SWSAP1: variants seen among roughly 807,000 people sequenced by gnomAD.
SWSAP1 encodes the protein SWIM-type zinc finger 7 associated protein 1.
A neutral mutation model predicts 5.6 loss-of-function variants in SWSAP1; 4 were observed. The observed-to-expected ratio is 0.72, with a 90% confidence interval of 0.35 to 1.64. The LOEUF (loss-of-function observed/expected upper bound fraction) is 1.64. Ranked by LOEUF, SWSAP1 falls within the 40% of genes most tolerant of loss-of-function variation. SWSAP1 has a pLI of 0.05. For missense variants in SWSAP1, 354 were observed against 319.8 expected, an observed-to-expected ratio of 1.11 and a Z score of -0.82; for synonymous variants, 139 against 143.3, an observed-to-expected ratio of 0.97 and a Z score of 0.22.
rs543788823 is a variant in SWSAP1, at chr19:11,375,556, G to A, written c.293G>A (p.Arg98Gln). ...QYPPSTRELFRLLCSAHEAPG... is the reference protein window; with the variant it reads ...QYPPSTRELFQLLCSAHEAPG... Reference sequence around the variant, plus strand: ...CCACCCTCAACCCGAGAGCTTTTCCGGCTCCTGTGCTCTGCCCATGAGGCC... The same window carrying A: ...CCACCCTCAACCCGAGAGCTTTTCCAGCTCCTGTGCTCTGCCCATGAGGCC... Residue 98 changes from arginine to glutamine, a missense_variant, in exon 2 of 2, where the codon CGG (arginine) becomes CAG (glutamine). Transcript: ENST00000674460. 610 of 1,613,544 alleles carry A rather than the reference G, an allele frequency of 3.8e-4. 6 individuals are homozygous for A. The South Asian group carries it at 5.8e-3, about 15-fold the overall frequency.
chr19:11,376,063 G>T lies in SWSAP1; in HGVS notation c.*47G>T. 6.7e-7 allele frequency: 1 copy of T among 1,494,008 alleles called. No individual in the cohort carries two copies. Among genetic ancestry groups the T allele is most frequent in the South Asian group, 1.3e-5 (1 of 77,524 alleles). 92.5% of individuals were successfully genotyped at this position (1,494,008 alleles called of 1,614,324 possible). On this transcript the variant is annotated 3_prime_UTR_variant, in exon 2 of 2. Coordinates refer to ENST00000674460, the MANE Select transcript of SWSAP1 (RefSeq NM_175871.4). The stretch of plus-strand genomic sequence containing the variant: ...TCTGTGCTTCAGTTTCCCATGGCTG[G>T]AATACTTACCTCAGGGACATATGCA...
rs1968258912 is a variant in SWSAP1, at chr19:11,374,915, C to A, written c.235C>A (p.Pro79Thr). The A allele has an allele frequency of 1.9e-6, 3 of 1,613,768 alleles. No homozygotes were observed. Among genetic ancestry groups the A allele is most frequent in the Non-Finnish European group, 2.5e-6 (3 of 1,180,022 alleles). Reference sequence around the variant, plus strand: ...CCGCGGGACCGGAACGACTCTAGACCCAATGCGACTCCAGGTAACCGTGGG... The same window carrying A: ...CCGCGGGACCGGAACGACTCTAGACACAATGCGACTCCAGGTAACCGTGGG... ...MPRGTGTTLD[P>T]MRLQKIRFQY... The change falls in exon 1 of 2, where the codon CCA becomes ACA. Residue 79 changes from proline to threonine, a missense_variant. Transcript: ENST00000674460.
At position 11,374,926 on chromosome 19, in the gene SWSAP1, C is replaced by A. The variant is rs572163029; in HGVS notation, c.246C>A (p.Leu82=). The A allele has an allele frequency of 6.8e-6, 11 of 1,613,428 alleles. No homozygotes were observed. In the South Asian group the frequency reaches 1.1e-4, roughly 16 times the overall value. ...GAACGACTCTAGACCCAATGCGACT[C>A]CAGGTAACCGTGGGGGTGGGAGCAG... The part of the protein sequence containing the change: ...GTGTTLDPMR[L]QKIRFQYPPS... The change falls in exon 1 of 2, where the codon CTC becomes CTA. Residue 82 remains leucine, a synonymous_variant. Transcript: ENST00000674460.
chr19:11,374,887 GC>G lies in SWSAP1; in HGVS notation c.211del (p.Arg71AlafsTer7). Reference sequence around the variant, plus strand: ...TGACACGAAGGCCTCTTCAAAGCATGCCCCGCGGGACCGGAACGACTCTAGA... The same window carrying G: ...TGACACGAAGGCCTCTTCAAAGCATGCCCGCGGGACCGGAACGACTCTAGA... ...FLTRRPLQSM[P>X]RGTGTTLDPM... is the part of the protein sequence containing the mutation. On this transcript the variant is annotated frameshift_variant, in exon 1 of 2. Transcript: ENST00000674460. LOFTEE classifies it low-confidence loss of function (END_TRUNC). The G allele has an allele frequency of 1.2e-6, 2 of 1,613,798 alleles. No individual in the cohort carries two copies. The highest frequency in any genetic ancestry group is 1.7e-6 in the Non-Finnish European group (2 of 1,179,972).
chr19:11,374,813 G>A lies in SWSAP1; in HGVS notation c.133G>A (p.Ala45Thr). 3 of 1,613,992 alleles carry A rather than the reference G, an allele frequency of 1.9e-6. No individual in the cohort carries two copies. Among genetic ancestry groups the A allele is most frequent in the Non-Finnish European group, 2.5e-6 (3 of 1,179,964 alleles). The change falls in exon 1 of 2, where the codon GCT becomes ACT. Residue 45 changes from alanine (A) to threonine (T), a missense_variant. Coordinates refer to ENST00000674460, the MANE Select transcript of SWSAP1 (RefSeq NM_175871.4). ...ATCTGGAAAAACAGCGCTGCTATTT[G>A]CTGCGGCCCTAGAGGCGGCGGGGGA... ...PGSGKTALLFAAALEAAGEGQ... is the reference protein window; with the variant it reads ...PGSGKTALLFTAALEAAGEGQ...
At chr19:11,374,988 T>C (rs1166848415) in intron 1 of SWSAP1, 59 bp downstream of exon 1, 3 of 1,592,192 alleles carry the variant, frequency 1.9e-6, no homozygotes, top group Non-Finnish European at 1.7e-6. Flanking sequence ...ATCCGGGATA[T>C]TGAGTAACAG....
At chr19:11,375,434 T>A in intron 1 of SWSAP1, 79 bp from the exon 2 acceptor site, 1 of 1,524,462 alleles carries the variant, frequency 6.6e-7, no homozygotes. Context: ...AAGGAAAGTA[T>A]GCAAGGAGGC....
Position 11,374,717 on chromosome 19 carries a change from G to C in SWSAP1, c.37G>C (p.Gly13Arg). 1 of 1,587,184 alleles carries C rather than the reference G, an allele frequency of 6.3e-7. No individual in the cohort carries two copies. Among genetic ancestry groups the C allele is most frequent in the Non-Finnish European group, 8.6e-7 (1 of 1,167,594 alleles). ...ETLRRVLTRG[G>R]AAWSGEENMP... ...GCTGAGGCGGGTGCTAACCAGGGGC[G>C]GTGCGGCCTGGTCCGGGGAGGAGAA... Residue 13 changes from glycine (G) to arginine (R), a missense_variant, in exon 1 of 2, where the codon GGT becomes CGT. Gly to Arg is a moderately radical substitution (Grantham distance 125). Coordinates refer to ENST00000674460, the MANE Select transcript of SWSAP1 (RefSeq NM_175871.4).
chr19:11,374,979 T>A (rs1380658742), intron 1 of SWSAP1, 50 bp downstream of exon 1: 8 of 1,597,940 alleles, frequency 5.0e-6, no homozygotes, highest in Non-Finnish European at 6.8e-6. Flanking sequence ...GTGGAGTAGA[T>A]CCGGGATATT....
At chr19:11,375,467 G>C (rs775175183) in intron 1 of SWSAP1, 46 bp from the exon 2 acceptor site, 1 of 1,555,492 alleles carries the variant, frequency 6.4e-7, no homozygotes, top group Non-Finnish European at 8.7e-7. Flanking sequence ...AAGGAGTCTG[G>C]CTTCCTGTGC....
intron 1 of SWSAP1, 99 bp downstream of exon 1, chr19:11,375,028 A>G (rs1968260394): frequency 1.3e-6 from 2 of 1,496,712 alleles, no homozygotes; most frequent in Admixed American, 2.0e-5. Context: ...GGACGGTGGA[A>G]GAGCGAGCCA....
Position 11,375,945 on chromosome 19 carries a change from A to G in SWSAP1, c.682A>G (p.Ile228Val). ...TTTCCGATCAGATGGAGAAATGATG[A>G]TCGCTCCGTGGCCCACCCAGGCTGG... ...VTFRSDGEMM[I>V]APWPTQAGDP... The change falls in exon 2 of 2, where the codon ATC becomes GTC. Residue 228 changes from isoleucine (I) to valine (V), a missense_variant. Physicochemically the swap from Ile to Val is conservative, Grantham distance 29 (BLOSUM62 3). Transcript: ENST00000674460. 1 of 1,613,370 alleles carries G rather than the reference A, an allele frequency of 6.2e-7. No individual in the cohort carries two copies. The highest frequency in any genetic ancestry group is 8.5e-7 in the Non-Finnish European group (1 of 1,179,960).
Position 11,376,155 on chromosome 19 carries a change from AT to A in SWSAP1, c.*143del. On this transcript the variant is annotated 3_prime_UTR_variant, in exon 2 of 2. Coordinates refer to ENST00000674460, the MANE Select transcript of SWSAP1 (RefSeq NM_175871.4). Reference sequence around the variant, plus strand: ...AAAAGTATAGCATTATCTTGTATATATTTTACCCAATCAATATGTTGTTTAT... The same window carrying A: ...AAAAGTATAGCATTATCTTGTATATATTTACCCAATCAATATGTTGTTTAT... 1.3e-6 allele frequency: 1 copy of A among 794,438 alleles called. No homozygotes were observed. Among genetic ancestry groups the A allele is most frequent in the Non-Finnish European group, 1.9e-6 (1 of 520,188 alleles). 49.2% of individuals were successfully genotyped at this position (794,438 alleles called of 1,614,324 possible).
At position 11,374,682 on chromosome 19, in the gene SWSAP1, TGGCGGAGACGCTGA is replaced by T; in HGVS notation, c.8_21del (p.Glu3_?7). On this transcript the variant is annotated frameshift_variant and start_lost, in exon 1 of 2. Coordinates refer to ENST00000674460, the MANE Select transcript of SWSAP1 (RefSeq NM_175871.4). LOFTEE classifies it high-confidence loss of function. Reference sequence around the variant, plus strand: ...CGATTGGTCAGAGCTACGCGGCGAATGGCGGAGACGCTGAGGCGGGTGCTAACCAGGGGCGGTGC... The same window carrying T: ...CGATTGGTCAGAGCTACGCGGCGAATGGCGGGTGCTAACCAGGGGCGGTGC... The T allele has an allele frequency of 6.6e-7, 1 of 1,526,132 alleles. No individual in the cohort carries two copies. Among genetic ancestry groups the T allele is most frequent in the African/African-American group, 1.4e-5 (1 of 72,182 alleles). The allele number at this position is 1,526,132 out of a possible 1,614,324, so 94.5% of individuals were successfully genotyped here.
Position 11,375,695 on chromosome 19 carries a change from C to T in SWSAP1, c.432C>T (p.Ala144=), listed in dbSNP as rs917280157. 1 of 1,614,226 alleles carries T rather than the reference C, an allele frequency of 6.2e-7. No individual in the cohort carries two copies. The highest frequency in any genetic ancestry group is 8.5e-7 in the Non-Finnish European group (1 of 1,180,040). The change falls in exon 2 of 2, where the codon GCC becomes GCT. Residue 144 remains alanine (A), a synonymous_variant. Coordinates refer to ENST00000674460, the MANE Select transcript of SWSAP1 (RefSeq NM_175871.4). ...TTGCCTTACTTCTAGACACAGCTGC[C>T]CACTTCAGCCACCGGCTTGGGCCTG... ...YLIALLLDTA[A]HFSHRLGPGR...
At position 11,375,554 on chromosome 19, in the gene SWSAP1, C is replaced by G; in HGVS notation, c.291C>G (p.Phe97Leu). Residue 97 changes from phenylalanine (F) to leucine (L), a missense_variant, in exon 2 of 2, where the codon TTC becomes TTG. Physicochemically the swap from Phe to Leu is conservative, Grantham distance 22 (BLOSUM62 0). Transcript: ENST00000674460. ...ACCCACCCTCAACCCGAGAGCTTTT[C>G]CGGCTCCTGTGCTCTGCCCATGAGG... ...FQYPPSTREL[F>L]RLLCSAHEAP... 1 of 1,613,762 alleles carries G rather than the reference C, an allele frequency of 6.2e-7. No homozygotes were observed. The highest frequency in any genetic ancestry group is 8.5e-7 in the Non-Finnish European group (1 of 1,179,798).
chr19:11,375,279 C>T (rs1462286753), intron 1 of SWSAP1, among the ~76,000 whole-genome samples: 1 of 151,982 alleles, frequency 6.6e-6, no homozygotes, highest in Non-Finnish European at 1.5e-5. Flanking sequence ...GAGGGTTTTC[C>T]GTGGAAAAAT....
At position 11,374,872 on chromosome 19, in the gene SWSAP1, G is replaced by A. The variant is rs1159177013; in HGVS notation, c.192G>A (p.Arg64=). The part of the protein sequence containing the change: ...GQGPVLFLTR[R]PLQSMPRGTG... Reference sequence around the variant, plus strand: ...GCCCAGTCCTCTTCCTGACACGAAGGCCTCTTCAAAGCATGCCCCGCGGGA... The same window carrying A: ...GCCCAGTCCTCTTCCTGACACGAAGACCTCTTCAAAGCATGCCCCGCGGGA... Residue 64 remains arginine (R), a synonymous_variant, in exon 1 of 2, where the codon AGG becomes AGA. Transcript: ENST00000674460. The A allele has an allele frequency of 1.2e-6, 2 of 1,614,018 alleles. No homozygotes were observed. The highest frequency in any genetic ancestry group is 1.7e-6 in the Non-Finnish European group (2 of 1,180,034).
rs1294444717 is a variant in SWSAP1, at chr19:11,375,778, AC to A, written c.516del (p.Asp172GlufsTer47). 1.9e-6 allele frequency: 3 copies of A among 1,614,150 alleles called. No individual in the cohort carries two copies. The highest frequency in any genetic ancestry group is 2.5e-6 in the Non-Finnish European group (3 of 1,180,020). ...ACCCAGGAGGAAGCAGGTAGTGGGGACGTCCTGCACCTGGCACTGCTCCAGC... is the reference window on the plus strand; with the variant it reads ...ACCCAGGAGGAAGCAGGTAGTGGGGAGTCCTGCACCTGGCACTGCTCCAGC... ...LQTQEEAGSG[D>X]VLHLALLQRY... On this transcript the variant is annotated frameshift_variant, in exon 2 of 2. Transcript: ENST00000674460. LOFTEE classifies it low-confidence loss of function (END_TRUNC).
Sources: gnomAD v4.1 joint callset for allele counts (sites outside exome capture counted in the v4.1 genomes callset) on GRCh38, gnomAD v4.1.1 for gene constraint, MANE v1.5 for transcripts, NCBI Gene and HGNC (gene_info 2026-07-23, HGNC 2026-07-21) for gene names.